SUSD4: variants seen among roughly 807,000 people sequenced by gnomAD.
SUSD4 encodes the protein sushi domain containing 4.
SUSD4 carries 41 observed loss-of-function variants against 50.5 expected under a neutral mutation model. The ratio of observed to expected loss-of-function variants is 0.81; its 90% confidence interval spans 0.63 to 1.05. SUSD4 has a LOEUF of 1.05. Among genes scored for constraint, SUSD4 ranks in the 50% least tolerant of loss-of-function variants. The pLI is 0.00. For synonymous variants in SUSD4, 257 were observed against 257.3 expected, an observed-to-expected ratio of 1.00 and a Z score of 0.01; for missense variants, 580 against 634.7, an observed-to-expected ratio of 0.91 and a Z score of 0.93.
At chr1:223,267,008 G>T (rs1417157816) in intron 4 of SUSD4, among the ~76,000 whole-genome samples, 1 of 152,238 alleles carries the variant, frequency 6.6e-6, no homozygotes, top group Non-Finnish European at 1.5e-5. Flanking sequence ...CTCTGAGGAG[G>T]AGGGAGAGGT....
At chr1:223,285,546 G>C (rs1374918064) in intron 3 of SUSD4, among the ~76,000 whole-genome samples, 1 of 152,164 alleles carries the variant, frequency 6.6e-6, no homozygotes, top group Admixed American at 6.5e-5. Flanking sequence ...GAAGGAAAGA[G>C]TACCCATGTG....
At chr1:223,304,343 T>C (rs2103189414) in intron 2 of SUSD4, among the ~76,000 whole-genome samples, 1 of 152,312 alleles carries the variant, frequency 6.6e-6, no homozygotes, top group African/African-American at 2.4e-5. Flanking sequence ...GCATGCAATT[T>C]TGTATTTACA....
rs1659107468 is a variant in SUSD4, at chr1:223,220,933, C to T, written c.*1259G>A. The T allele has an allele frequency of 2.5e-6, 1 of 400,108 alleles. No individual in the cohort carries two copies. Among genetic ancestry groups the T allele is most frequent in the South Asian group, 1.3e-4 (1 of 7,604 alleles). 24.8% of individuals were successfully genotyped at this position (400,108 alleles called of 1,614,324 possible). On this transcript the variant is annotated 3_prime_UTR_variant, in exon 9 of 9. Coordinates refer to ENST00000366878, the MANE Select transcript of SUSD4 (RefSeq NM_017982.4). ...AGCATAGCAATTTTAAGGATCAGAG[C>T]TTTGTTTACATTTGTCTAAAACCAA...
intron 3 of SUSD4, chr1:223,289,402 T>C: frequency 1.5e-6 from 1 of 647,570 alleles, no homozygotes; most frequent in Non-Finnish European, 1.9e-6. Context: ...TGAATTGGAA[T>C]AAGGGGGCCA....
intron 2 of SUSD4, among the ~76,000 whole-genome samples, chr1:223,335,753 C>T (rs1341882881): frequency 6.6e-6 from 1 of 152,138 alleles, no homozygotes; most frequent in Non-Finnish European, 1.5e-5. Context: ...AGTCAAGCAT[C>T]AAGATAACCA....
At chr1:223,286,512 A>C (rs1326818000) in intron 3 of SUSD4, among the ~76,000 whole-genome samples, 1 of 152,216 alleles carries the variant, frequency 6.6e-6, no homozygotes, top group Non-Finnish European at 1.5e-5. Context: ...TCAGTCTCCC[A>C]AAGTGCTGGG....
intron 2 of SUSD4, among the ~76,000 whole-genome samples, chr1:223,354,136 T>G (rs970632506): frequency 1.6e-4 from 24 of 152,134 alleles, no homozygotes; most frequent in African/African-American, 5.8e-4. Context: ...ATCATAGGCT[T>G]CCTCCCTTCT....
chr1:223,345,845 C>T (rs1212328323), intron 2 of SUSD4, among the ~76,000 whole-genome samples: 1 of 152,220 alleles, frequency 6.6e-6, no homozygotes, highest in Non-Finnish European at 1.5e-5. Flanking sequence ...TTGGTCTGCC[C>T]TCTGCCCTCC....
rs531589873 is a variant in SUSD4, at chr1:223,327,999, C to T, written c.148+35279G>A. On this transcript the variant is annotated intron_variant, in intron 2 of 8. Transcript: ENST00000366878. Reference sequence around the variant, plus strand: ...AGATCCCAACACCGGTCTCCAATCTCTTTATCCACAAAGGCAACCTTTTCT... The same window carrying T: ...AGATCCCAACACCGGTCTCCAATCTTTTTATCCACAAAGGCAACCTTTTCT... Among the ~76,000 whole-genome samples, 10 of 152,134 alleles carry T rather than the reference C, an allele frequency of 6.6e-5. No individual in the cohort carries two copies. In the South Asian group the frequency reaches 2.1e-3, roughly 32 times the overall value.
At chr1:223,310,581 A>G (rs1301916402) in intron 2 of SUSD4, among the ~76,000 whole-genome samples, 1 of 152,222 alleles carries the variant, frequency 6.6e-6, no homozygotes, top group Non-Finnish European at 1.5e-5. Context: ...TACACAAAAA[A>G]GACGTGTGCA....
At chr1:223,252,786 G>A (rs1400173024) in intron 5 of SUSD4, among the ~76,000 whole-genome samples, 1 of 151,808 alleles carries the variant, frequency 6.6e-6, no homozygotes, top group East Asian at 1.9e-4. Context: ...CCCTTCCTAG[G>A]AATGGAGAAG....
Position 223,292,640 on chromosome 1 carries a change from G to A in SUSD4, c.160C>T (p.Leu54Phe). The change falls in exon 3 of 9, where the codon CTT (leucine) becomes TTT (phenylalanine). Residue 54 changes from leucine (L) to phenylalanine (F), a missense_variant. By Grantham distance (22) the Leu-to-Phe change is conservative. Coordinates refer to ENST00000366878, the MANE Select transcript of SUSD4 (RefSeq NM_017982.4). Reference protein sequence around the residue: ...PAQLTGGFDDLQVCADPGIPE... With the variant: ...PAQLTGGFDDFQVCADPGIPE... ...ATGCCGGGGTCAGCACACACTTGAA[G>A]GTCATCGAACCCTACATCAACAAAG... 6.2e-7 allele frequency: 1 copy of A among 1,614,004 alleles called. No individual in the cohort carries two copies. The highest frequency in any genetic ancestry group is 8.5e-7 in the Non-Finnish European group (1 of 1,179,974).
chr1:223,341,643 G>A (rs2103301569), intron 2 of SUSD4, among the ~76,000 whole-genome samples: 1 of 152,302 alleles, frequency 6.6e-6, no homozygotes, highest in African/African-American at 2.4e-5. Context: ...TACACAAACG[G>A]AGGGACAATC....
Position 223,356,222 on chromosome 1 carries a change from T to C in SUSD4, c.148+7056A>G, listed in dbSNP as rs117084119. 4.3e-4 allele frequency among the ~76,000 whole-genome samples: 65 copies of C among 152,214 alleles called. No homozygotes were observed. In the East Asian group the frequency reaches 8.1e-3, roughly 19 times the overall value. ...CTCTCTTAGGGTAGTACGGCATCCTTTTCTTGAGAGAAGAAGAAATATTGG... is the reference window on the plus strand; with the variant it reads ...CTCTCTTAGGGTAGTACGGCATCCTCTTCTTGAGAGAAGAAGAAATATTGG... On this transcript the variant is annotated intron_variant, in intron 2 of 8. Coordinates refer to ENST00000366878, the MANE Select transcript of SUSD4 (RefSeq NM_017982.4).
chr1:223,331,702 C>A (rs1667184710), intron 2 of SUSD4, among the ~76,000 whole-genome samples: 1 of 152,160 alleles, frequency 6.6e-6, no homozygotes, highest in Non-Finnish European at 1.5e-5. Context: ...ACTCATGGGA[C>A]CTTTTGTCCT....
intron 2 of SUSD4, among the ~76,000 whole-genome samples, chr1:223,330,745 T>C (rs2103270251): frequency 6.6e-6 from 1 of 152,282 alleles, no homozygotes; most frequent in South Asian, 2.1e-4. Flanking sequence ...AGTAAACAGA[T>C]TGTAGACACA....
At chr1:223,224,972 C>T (rs763631257) in intron 7 of SUSD4, among the ~76,000 whole-genome samples, 4 of 147,960 alleles carry the variant, frequency 2.7e-5, no homozygotes, top group African/African-American at 7.5e-5. Flanking sequence ...CAGGCTCATG[C>T]GATTCTCCTG....
At chr1:223,314,722 CTT>C (rs751718769) in intron 2 of SUSD4, among the ~76,000 whole-genome samples, 1 of 152,188 alleles carries the variant, frequency 6.6e-6, no homozygotes, top group Non-Finnish European at 1.5e-5. Flanking sequence ...GCTCTCTTCT[CTT>C]GTCTACCACC....
At chr1:223,346,504 C>G (rs1668043602) in intron 2 of SUSD4, among the ~76,000 whole-genome samples, 1 of 152,124 alleles carries the variant, frequency 6.6e-6, no homozygotes, top group Non-Finnish European at 1.5e-5. Context: ...ATCCCAAACT[C>G]CCATGGCTGA....
Sources: allele counts gnomAD v4.1 joint callset (sites outside exome capture counted in the v4.1 genomes callset), GRCh38; gene constraint gnomAD v4.1.1; transcripts MANE v1.5; gene names NCBI Gene and HGNC (gene_info 2026-07-23, HGNC 2026-07-21).